STS: variants seen among roughly 807,000 people sequenced by gnomAD.
The protein encoded by STS is steroid sulfatase.
STS carries 7 observed loss-of-function variants against 26.8 expected under a neutral mutation model. That is an observed-to-expected ratio of 0.26 (90% CI 0.15 to 0.49). The LOEUF (loss-of-function observed/expected upper bound fraction) is 0.49, where lower values mean the gene tolerates loss of function less well. Among genes scored for constraint, STS ranks in the 20% least tolerant of loss-of-function variants. The pLI, the probability that STS is intolerant of heterozygous loss-of-function variation, is 0.98. For missense variants in STS, 434 were observed against 465.6 expected (o/e 0.93, Z 0.63); for synonymous variants, 199 against 189.4 (o/e 1.05, Z -0.42).
intron 6 of STS, among the ~76,000 whole-genome samples, chrX:7,269,313 C>T (rs980023956): frequency 1.0e-5 from 1 of 98,796 alleles, no homozygotes. Flanking sequence ...ATAAAGAATA[C>T]TTACACCTGA....
intron 8 of STS, among the ~76,000 whole-genome samples, chrX:7,320,176 TTA>T (rs1179883082): frequency 5.0e-5 from 5 of 100,988 alleles, no homozygotes; most frequent in African/African-American, 7.1e-5. Context: ...ATATTTTATT[TTA>T]TATATATATA....
intron 1 of STS, among the ~76,000 whole-genome samples, chrX:7,181,232 A>C (rs1270748131): frequency 8.9e-6 from 1 of 112,687 alleles, no homozygotes; most frequent in African/African-American, 3.2e-5. Flanking sequence ...CTCGTGTAAC[A>C]AACCTGTACA....
intron 6 of STS, among the ~76,000 whole-genome samples, chrX:7,260,839 CAAACA>C (rs1326586952): frequency 4.5e-5 from 5 of 111,535 alleles, no homozygotes; most frequent in African/African-American, 1.6e-4. Flanking sequence ...AATCTCTGAG[CAAACA>C]AAACAAAACA....
At chrX:7,333,064 A>G (rs907559452) in intron 9 of STS, among the ~76,000 whole-genome samples, 2 of 112,169 alleles carry the variant, frequency 1.8e-5, no homozygotes, top group Non-Finnish European at 3.8e-5. Context: ...ACACTTACCA[A>G]AATTGTACAG....
At chrX:7,274,399 A>G (rs1361724349) in intron 6 of STS, among the ~76,000 whole-genome samples, 18 of 111,590 alleles carry the variant, frequency 1.6e-4, no homozygotes, top group Non-Finnish European at 3.4e-4. Context: ...CTGTTCCCTG[A>G]TAGCCTTCAA....
chrX:7,218,544 C>T (rs1317662554), intron 2 of STS, among the ~76,000 whole-genome samples: 1 of 112,124 alleles, frequency 8.9e-6, no homozygotes, highest in African/African-American at 3.2e-5. Context: ...ATATAGACAT[C>T]GCCTGGGGGC....
At chrX:7,324,437 C>T (rs1202137537) in intron 8 of STS, among the ~76,000 whole-genome samples, 1 of 111,216 alleles carries the variant, frequency 9.0e-6, no homozygotes, top group African/African-American at 3.3e-5. Flanking sequence ...GGAGAAGACC[C>T]CAAAAGAGAA....
At chrX:7,324,881 G>A (rs766230769) in intron 8 of STS, among the ~76,000 whole-genome samples, 3 of 111,598 alleles carry the variant, frequency 2.7e-5, no homozygotes, top group East Asian at 5.7e-4. Context: ...AAAATCCTTA[G>A]TCACATGTTT....
At chrX:7,247,914 G>A (rs1341959055) in intron 2 of STS, among the ~76,000 whole-genome samples, 1 of 111,777 alleles carries the variant, frequency 8.9e-6, no homozygotes, top group Non-Finnish European at 1.9e-5. Flanking sequence ...CCATTATCCT[G>A]GCTAATTTGC....
chrX:7,245,989 A>G (rs1404134374), intron 2 of STS, among the ~76,000 whole-genome samples: 1 of 112,549 alleles, frequency 8.9e-6, no homozygotes, highest in African/African-American at 3.2e-5. Context: ...TAGTACTTGT[A>G]TAGATATATT....
At chrX:7,189,113 A>G (rs1384986493) in intron 1 of STS, among the ~76,000 whole-genome samples, 5 of 111,780 alleles carry the variant, frequency 4.5e-5, no homozygotes, top group African/African-American at 1.6e-4. Context: ...ATAAAAATCT[A>G]TATGGAATGG....
intron 6 of STS, among the ~76,000 whole-genome samples, chrX:7,274,162 C>G (rs1158506673): frequency 2.7e-5 from 3 of 111,646 alleles, no homozygotes; most frequent in African/African-American, 6.5e-5. Flanking sequence ...TTCGTCAGGA[C>G]TGTTCATGTT....
chrX:7,191,332 G>A (rs1933868738), intron 2 of STS, among the ~76,000 whole-genome samples: 1 of 111,957 alleles, frequency 8.9e-6, no homozygotes, highest in Non-Finnish European at 1.9e-5. Flanking sequence ...CAAGTCTAGA[G>A]GAATATAGGT....
At chrX:7,230,456 GATAA>G (rs1464490582) in intron 2 of STS, among the ~76,000 whole-genome samples, 15 of 111,906 alleles carry the variant, frequency 1.3e-4, no homozygotes, top group Admixed American at 3.8e-4. Flanking sequence ...CTGAGGAATG[GATAA>G]ATAAAATGTG....
intron 8 of STS, among the ~76,000 whole-genome samples, chrX:7,309,670 G>A (rs1450144116): frequency 9.0e-6 from 1 of 111,403 alleles, no homozygotes; most frequent in African/African-American, 3.3e-5. Context: ...AATTCAATAG[G>A]TTATTCCTTT....
At chrX:7,155,321 C>T (rs1329120144) in intron 1 of STS, among the ~76,000 whole-genome samples, 1 of 112,324 alleles carries the variant, frequency 8.9e-6, no homozygotes. Flanking sequence ...TTCTGCCTCA[C>T]CACCAACTTT....
intron 9 of STS, among the ~76,000 whole-genome samples, chrX:7,331,479 CATGCTACAAAA>C (rs1927744253): frequency 9.0e-6 from 1 of 110,827 alleles, no homozygotes; most frequent in Admixed American, 9.6e-5. Context: ...GTTATGCAAA[CATGCTACAAAA>C]ACTTGAATTA....
In STS at chrX:7,148,698, C is replaced by G. The variant is rs1228135204; in HGVS notation, c.-134+615C>G. ...CCCGCCTCCTTGCGGTCCTGGACCG[C>G]GACTTGAACCGGCAGCCGCGCATGC... On this transcript the variant is annotated intron_variant, in intron 1 of 10. Coordinates refer to ENST00000674429, the MANE Select transcript of STS (RefSeq NM_001320752.2). Among the ~76,000 whole-genome samples, 3 of 112,034 alleles carry G rather than the reference C, an allele frequency of 2.7e-5. No individual in the cohort carries two copies. The Admixed American group carries it at 2.8e-4, about 10-fold the overall frequency.
chrX:7,307,305 T>A (rs1926267144), intron 8 of STS, among the ~76,000 whole-genome samples: 1 of 111,587 alleles, frequency 9.0e-6, no homozygotes, highest in African/African-American at 3.3e-5. Context: ...TTAAAAGTAG[T>A]AAAAAGTGGA....
Sources: allele counts gnomAD v4.1 joint callset (sites outside exome capture counted in the v4.1 genomes callset), GRCh38; gene constraint gnomAD v4.1.1; transcripts MANE v1.5; gene names NCBI Gene and HGNC (gene_info 2026-07-23, HGNC 2026-07-21).